The following URB1 variants were observed in gnomAD, a reference collection of about 807,000 sequenced individuals.
URB1 encodes the protein nucleolar pre-ribosomal-associated protein 1.
A neutral mutation model predicts 242.3 loss-of-function variants in URB1; 197 were observed. That is an observed-to-expected ratio of 0.81 (90% CI 0.72 to 0.91). URB1 has a LOEUF of 0.91. Among genes scored for constraint, URB1 ranks in the 40% least tolerant of loss-of-function variants. The pLI is 0.00. For synonymous variants in URB1, 1,153 were observed against 1,201.8 expected, an observed-to-expected ratio of 0.96 and a Z score of 0.84; for missense variants, 2,721 against 2,860.5, an observed-to-expected ratio of 0.95 and a Z score of 1.11.
intron 21 of URB1, among the ~76,000 whole-genome samples, 187 bp downstream of exon 21, chr21:32,349,117 C>A (rs572617149): frequency 7.2e-5 from 11 of 152,248 alleles, no homozygotes; most frequent in African/African-American, 2.7e-4. Flanking sequence ...AGAAAAGCAA[C>A]AGGAAAGAGA....
Position 32,349,352 on chromosome 21 carries a change from G to A in URB1, c.2964C>T (p.Leu988=), listed in dbSNP as rs759598659. Residue 988 remains leucine, a synonymous_variant, in exon 21 of 39, where the codon CTC becomes CTT. Transcript: ENST00000382751. ...RCEAARAEAD[L]FLDMESVASL... ...AGGCCACGGACTCCATGTCCAGGAA[G>A]AGGTCGGCTTCGGCCCGGGCGGCCT... 9 of 1,551,230 alleles carry A rather than the reference G, an allele frequency of 5.8e-6. No individual in the cohort carries two copies. In the South Asian group the frequency reaches 9.5e-5, roughly 16 times the overall value.
At position 32,349,298 on chromosome 21, in the gene URB1, C is replaced by G. The variant is rs181916823; in HGVS notation, c.3012+6G>C. 1 of 1,532,696 alleles carries G rather than the reference C, an allele frequency of 6.5e-7. No individual in the cohort carries two copies. The highest frequency in any genetic ancestry group is 2.5e-5 in the East Asian group (1 of 40,626). 94.9% of individuals were successfully genotyped at this position (1,532,696 alleles called of 1,614,324 possible). A position where few individuals can be genotyped will look rare whatever the true frequency, so the allele number is the denominator to read the frequency against. On this transcript the variant is annotated splice_donor_region_variant and intron_variant, in intron 21 of 38. Coordinates refer to ENST00000382751, the MANE Select transcript of URB1 (RefSeq NM_014825.3). ...GAATAGGCTACCAGGCAACCTGTGG[C>G]GGTACCTGATCATTGGCCAACTCCA... is the stretch of plus-strand genomic sequence containing the variant.
intron 3 of URB1, 80 bp from the exon 4 acceptor site, chr21:32,383,634 A>T: frequency 7.1e-7 from 1 of 1,413,344 alleles, no homozygotes; most frequent in Admixed American, 2.9e-5. Flanking sequence ...GCCAGCTGCA[A>T]GCTGCTTGTG....
intron 1 of URB1, among the ~76,000 whole-genome samples, chr21:32,392,250 A>C (rs2033647611): frequency 6.6e-6 from 1 of 152,210 alleles, no homozygotes; most frequent in African/African-American, 2.4e-5. Flanking sequence ...TAAATTATAG[A>C]GTCGGCTACA....
chr21:32,375,008 A>T (rs971450710), intron 6 of URB1, among the ~76,000 whole-genome samples: 1 of 152,260 alleles, frequency 6.6e-6, no homozygotes, highest in South Asian at 2.1e-4. Context: ...TAAAATATCA[A>T]TAAGATGCTT....
intron 24 of URB1, among the ~76,000 whole-genome samples, chr21:32,341,894 A>G (rs2033034611): frequency 6.6e-6 from 1 of 152,212 alleles, no homozygotes; most frequent in Non-Finnish European, 1.5e-5. Context: ...ACCAAGATTA[A>G]TCTTAAAACA....
At position 32,347,641 on chromosome 21, in the gene URB1, C is replaced by T. The variant is rs907216350; in HGVS notation, c.3183G>A (p.Pro1061=). Residue 1061 remains proline (P), a synonymous_variant, in exon 22 of 39, where the codon CCG becomes CCA. Coordinates refer to ENST00000382751, the MANE Select transcript of URB1 (RefSeq NM_014825.3). ...CCAGCTGCCCAATGTTCTGGAGGATCGGGGCACTTGCTGCCAGCAGCTGAA... is the reference window on the plus strand; with the variant it reads ...CCAGCTGCCCAATGTTCTGGAGGATTGGGGCACTTGCTGCCAGCAGCTGAA... ...GVLQLLAASA[P]ILQNIGQLGL... is the part of the protein sequence containing the mutation. The T allele has an allele frequency of 1.0e-5, 16 of 1,551,546 alleles. No individual in the cohort carries two copies. The African/African-American group carries it at 1.4e-4, about 13-fold the overall frequency.
chr21:32,318,735 A>G (rs1220065391), intron 36 of URB1, among the ~76,000 whole-genome samples: 1 of 152,214 alleles, frequency 6.6e-6, no homozygotes, highest in East Asian at 1.9e-4. Context: ...GCATGACTCC[A>G]AGGGATCGGA....
rs2033372339 is a variant in URB1, at chr21:32,368,605, G to C, written c.1002-7C>G. 6.5e-7 allele frequency: 1 copy of C among 1,547,830 alleles called. No homozygotes were observed. The highest frequency in any genetic ancestry group is 8.7e-7 in the Non-Finnish European group (1 of 1,145,564). On this transcript the variant is annotated splice_polypyrimidine_tract_variant and splice_region_variant and intron_variant, in intron 8 of 38. Transcript: ENST00000382751. ...GAGTGTCAGGTTTCCGCCTCTGTTA[G>C]AGAAAGACACATGGGGAGAGGTCAG...
Position 32,316,545 on chromosome 21 carries a change from G to GTGGAAGGGGCT in URB1, c.6554_6555insAGCCCCTTCCA (p.Arg2186AlafsTer22). ...CCGGGTGGAAGGGGCTCCCTGCCCGGCCCTGGGCAGCCACCAGCTGCAGCA... is the reference window on the plus strand; with the variant it reads ...CCGGGTGGAAGGGGCTCCCTGCCCGGTGGAAGGGGCTCCCTGGGCAGCCACCAGCTGCAGCA... On this transcript the variant is annotated frameshift_variant, in exon 38 of 39. Transcript: ENST00000382751. LOFTEE classifies it high-confidence loss of function. 6.4e-7 allele frequency: 1 copy of GTGGAAGGGGCT among 1,550,994 alleles called. No homozygotes were observed. The highest frequency in any genetic ancestry group is 2.4e-5 in the East Asian group (1 of 40,904).
Position 32,359,827 on chromosome 21 carries a change from G to A in URB1, c.1838C>T (p.Pro613Leu), listed in dbSNP as rs1331716622. 1.4e-5 allele frequency: 21 copies of A among 1,546,192 alleles called. No homozygotes were observed. The highest frequency in any genetic ancestry group is 2.8e-5 in the African/African-American group (2 of 72,670). ...HHMLKVALELPASKFLWLKAQ... is the reference protein window; with the variant it reads ...HHMLKVALELLASKFLWLKAQ... ...CTTTAACCACAGAAACTTGCTGGCC[G>A]GCAGCTCCAGGGCCACCTTCAGCAT... Residue 613 changes from proline to leucine, a missense_variant, in exon 14 of 39, where the codon CCG becomes CTG. Coordinates refer to ENST00000382751, the MANE Select transcript of URB1 (RefSeq NM_014825.3).
At chr21:32,368,737 A>G (rs1173512170) in intron 8 of URB1, 139 bp from the exon 9 acceptor site, 2 of 731,506 alleles carry the variant, frequency 2.7e-6, no homozygotes, top group African/African-American at 3.6e-5. Context: ...CCCAGGACGT[A>G]AAGTGGGGGT....
intron 30 of URB1, among the ~76,000 whole-genome samples, chr21:32,326,008 G>A (rs1430788158): frequency 6.6e-6 from 1 of 152,154 alleles, no homozygotes; most frequent in African/African-American, 2.4e-5. Flanking sequence ...GTATCCATTT[G>A]CCATTTGTGA....
chr21:32,370,344 T>C (rs1434158967), intron 8 of URB1, among the ~76,000 whole-genome samples: 1 of 152,082 alleles, frequency 6.6e-6, no homozygotes, highest in South Asian at 2.1e-4. Flanking sequence ...AAACTATCCT[T>C]TAAAAAAGGA....
At chr21:32,322,698 C>A in intron 32 of URB1, 114 bp from the exon 33 acceptor site, 1 of 734,506 alleles carries the variant, frequency 1.4e-6, no homozygotes, top group Non-Finnish European at 2.4e-6. Context: ...CTCCCAGGAA[C>A]TTTTGTGTCC....
At chr21:32,384,899 T>G (rs2033565488) in intron 2 of URB1, among the ~76,000 whole-genome samples, 2 of 152,128 alleles carry the variant, frequency 1.3e-5, no homozygotes, top group Admixed American at 6.5e-5. Context: ...GAGAATGGCA[T>G]GAACCCAGGA....
Position 32,363,188 on chromosome 21 carries a change from A to T in URB1, c.1477T>A (p.Phe493Ile). The T allele has an allele frequency of 6.4e-7, 1 of 1,552,114 alleles. No individual in the cohort carries two copies. The highest frequency in any genetic ancestry group is 8.7e-7 in the Non-Finnish European group (1 of 1,147,092). Reference sequence around the variant, plus strand: ...AGGGCTTCTCTGAAGAGCTGCACGAATTCTTCCATCATCACAGCTGTGTAC... The same window carrying T: ...AGGGCTTCTCTGAAGAGCTGCACGATTTCTTCCATCATCACAGCTGTGTAC... Reference protein sequence around the residue: ...GVYTAVMMEEFVQLFREALSK... With the variant: ...GVYTAVMMEEIVQLFREALSK... Residue 493 changes from phenylalanine (F) to isoleucine (I), a missense_variant, in exon 11 of 39, where the codon TTC (phenylalanine) becomes ATC (isoleucine). Physicochemically the swap from Phe to Ile is conservative, Grantham distance 21. Coordinates refer to ENST00000382751, the MANE Select transcript of URB1 (RefSeq NM_014825.3).
At chr21:32,322,455 C>G in intron 33 of URB1, 23 bp downstream of exon 33, 1 of 1,541,422 alleles carries the variant, frequency 6.5e-7, no homozygotes. Flanking sequence ...CTGCAGAAAG[C>G]CGTGAGGACT....
intron 5 of URB1, among the ~76,000 whole-genome samples, chr21:32,378,111 A>G (rs112969107): frequency 2.0e-4 from 30 of 152,336 alleles, no homozygotes; most frequent in African/African-American, 6.7e-4. Flanking sequence ...CAGGTAGCCA[A>G]GGCTATGAGT....
Sources: allele counts gnomAD v4.1 joint callset (sites outside exome capture counted in the v4.1 genomes callset), GRCh38; gene constraint gnomAD v4.1.1; transcripts MANE v1.5; gene names NCBI Gene and HGNC (gene_info 2026-07-23, HGNC 2026-07-21).